TTLL8: variants seen among roughly 807,000 people sequenced by gnomAD.
TTLL8 encodes the protein tubulin tyrosine ligase like 8, also known as protein monoglycylase TTLL8.
TTLL8 carries 65 observed loss-of-function variants against 77.8 expected under a neutral mutation model. That is an observed-to-expected ratio of 0.84 (90% CI 0.68 to 1.03). The LOEUF (loss-of-function observed/expected upper bound fraction) is 1.03. TTLL8 is among the 50% of genes least tolerant of loss of function. The pLI is 0.00. For synonymous variants in TTLL8, 402 were observed against 422.8 expected (o/e 0.95, Z 0.60); for missense variants, 910 against 1,004.5 (o/e 0.91, Z 1.27).
At position 50,034,348 on chromosome 22, in the gene TTLL8, G is replaced by A. The variant is rs768376533; in HGVS notation, c.1036C>T (p.Pro346Ser). Residue 346 changes from proline (P) to serine (S), a missense_variant, in exon 9 of 14, where the codon CCT becomes TCT. This residue lies in a region of TTLL8 where 776 missense variants were observed against 926.1 expected (regional missense o/e 0.84). Coordinates refer to ENST00000266182, the Ensembl canonical transcript of TTLL8. This position sits in a 1 kb window ranked among gnomAD's most constrained non-coding sequence, Gnocchi z 4.1. ...GCGGTGCAGGGAGCATCCGCACCAG[G>A]GGACTCACCTCGGCCCCGGGACTTG... is the stretch of plus-strand genomic sequence containing the variant. 4 of 1,365,274 alleles carry A rather than the reference G, an allele frequency of 2.9e-6. No individual in the cohort carries two copies. The highest frequency in any genetic ancestry group is 3.9e-6 in the Non-Finnish European group (4 of 1,021,526). 84.6% of individuals were successfully genotyped at this position (1,365,274 alleles called of 1,614,324 possible). A position where few individuals can be genotyped will look rare whatever the true frequency, so the allele number is the denominator to read the frequency against.
intron 10 of TTLL8, among the ~76,000 whole-genome samples, chr22:50,032,730 GGCGTCGCTGTGT>G (rs1411452969): frequency 6.6e-6 from 1 of 152,226 alleles, no homozygotes; most frequent in Non-Finnish European, 1.5e-5. Context: ...GAGGGTGGCA[GGCGTCGCTGTGT>G]GCACAGCACA....
In TTLL8 at chr22:50,041,602, G is replaced by A; in HGVS notation, c.830+19C>T. The A allele has an allele frequency of 1.5e-6, 2 of 1,332,566 alleles. No individual in the cohort carries two copies. Among genetic ancestry groups the A allele is most frequent in the Non-Finnish European group, 2.0e-6 (2 of 1,003,462 alleles). 82.5% of individuals were successfully genotyped at this position (1,332,566 alleles called of 1,614,324 possible). Reference sequence around the variant, plus strand: ...CACTCACAGCTCCGACATGTGCCAGGGGCCTGCGTAAGTCTTACTGAACGA... The same window carrying A: ...CACTCACAGCTCCGACATGTGCCAGAGGCCTGCGTAAGTCTTACTGAACGA... On this transcript the variant is annotated intron_variant, in intron 7 of 13. Transcript: ENST00000266182. The surrounding 1 kb of genome is among the most constrained non-coding windows in gnomAD (Gnocchi z 4.3).
chr22:50,045,411 G>T, intron 5 of TTLL8, 22 bp from the exon 8 acceptor site: 2 of 1,362,866 alleles, frequency 1.5e-6, no homozygotes, highest in Non-Finnish European at 2.0e-6. Context: ...GCACAGCCTC[G>T]CCCTATCTGT....
chr22:50,018,576 A>G (rs2061178503), intron 12 of TTLL8, among the ~76,000 whole-genome samples: 1 of 152,248 alleles, frequency 6.6e-6, no homozygotes, highest in Non-Finnish European at 1.5e-5. Context: ...CACATCAAAG[A>G]CATTCAAATT....
chr22:50,049,769 C>T (rs1039494709), intron 2 of TTLL8, among the ~76,000 whole-genome samples: 1 of 152,082 alleles, frequency 6.6e-6, no homozygotes, highest in South Asian at 2.1e-4. Context: ...GCCAGCACCA[C>T]GGGGGCCTGA....
chr22:50,056,920 T>C, upstream of TTLL8: 1 of 1,289,696 alleles, frequency 7.8e-7, no homozygotes. This position sits in a 1 kb window ranked among gnomAD's most constrained non-coding sequence, Gnocchi z 4.1. Context: ...GATAGCCCCT[T>C]CCTCTCTGGT....
chr22:50,057,301 G>A (rs2061477563), upstream of TTLL8, among the ~76,000 whole-genome samples: 1 of 144,912 alleles, frequency 6.9e-6, no homozygotes, highest in Non-Finnish European at 1.5e-5. Flanking sequence ...CTGGGTTTGG[G>A]GGTCAGGACT....
upstream of TTLL8, among the ~76,000 whole-genome samples, chr22:50,057,349 GGTTGTGA>G: frequency 7.5e-6 from 1 of 134,072 alleles, no homozygotes; most frequent in East Asian, 2.2e-4. Flanking sequence ...GTCAGGTCTG[GGTTGTGA>G]GTCAGGTCTG....
intron 8 of TTLL8, among the ~76,000 whole-genome samples, chr22:50,035,953 G>A (rs770401254): frequency 6.6e-6 from 1 of 152,240 alleles, no homozygotes; most frequent in Admixed American, 6.5e-5. Flanking sequence ...CCTGCTTTGG[G>A]GGGAGAAGGC....
At chr22:50,057,372 G>T (rs1432122888), upstream of TTLL8, among the ~76,000 whole-genome samples, 16 of 124,718 alleles carry the variant, frequency 1.3e-4, no homozygotes, top group African/African-American at 5.3e-4. Flanking sequence ...GTCTGGGTTG[G>T]GGGATCAGGT....
intron 1 of TTLL8, among the ~76,000 whole-genome samples, chr22:50,053,629 A>G (rs974880710): frequency 6.6e-6 from 1 of 152,224 alleles, no homozygotes; most frequent in African/African-American, 2.4e-5. Flanking sequence ...ATGAGCGGAT[A>G]TGGTTCTACT....
chr22:50,027,228 T>G (rs1455922635), intron 12 of TTLL8, among the ~76,000 whole-genome samples: 1 of 125,222 alleles, frequency 8.0e-6, no homozygotes, highest in Non-Finnish European at 1.6e-5. Flanking sequence ...AGAACGGGAC[T>G]CCGTCTCAAA....
chr22:50,041,311 G>C lies in TTLL8; in HGVS notation c.831-34C>G, dbSNP rs772104096. The C allele has an allele frequency of 2.0e-6, 1 of 508,466 alleles. No homozygotes were observed. The highest frequency in any genetic ancestry group is 3.9e-6 in the Non-Finnish European group (1 of 256,470). The allele number at this position is 508,466 out of a possible 1,614,324, so 31.5% of individuals were successfully genotyped here. Reference sequence around the variant, plus strand: ...GTATCATCCTCTCAACAGTCATCAGGGTCCTGGTGGGACAGGCAACAGAGG... The same window carrying C: ...GTATCATCCTCTCAACAGTCATCAGCGTCCTGGTGGGACAGGCAACAGAGG... On this transcript the variant is annotated intron_variant, in intron 7 of 13. Coordinates refer to ENST00000266182, the Ensembl canonical transcript of TTLL8. This position sits in a 1 kb window ranked among gnomAD's most constrained non-coding sequence, Gnocchi z 4.3.
intron 12 of TTLL8, among the ~76,000 whole-genome samples, chr22:50,022,331 C>T (rs538193309): frequency 2.0e-5 from 3 of 149,178 alleles, no homozygotes; most frequent in Admixed American, 6.7e-5. Context: ...GACGTGCACT[C>T]CTCCATCTGA....
chr22:50,055,054 C>G, upstream of TTLL8: 3 of 782,216 alleles, frequency 3.8e-6, no homozygotes, highest in Non-Finnish European at 4.7e-6. Flanking sequence ...AGCAAGACTT[C>G]ATCTCAAAAA....
intron 12 of TTLL8, among the ~76,000 whole-genome samples, chr22:50,022,298 C>T (rs2061208304): frequency 1.4e-5 from 2 of 148,124 alleles, no homozygotes; most frequent in Non-Finnish European, 3.0e-5. Flanking sequence ...TGCACTCCTC[C>T]ATCTGATGCA....
rs5771129 is a variant in TTLL8 at position 50,037,093 on chromosome 22, G to A, written c.922-2631C>T. 0.011 allele frequency among the ~76,000 whole-genome samples: 1,643 copies of A among 152,268 alleles called. 166 individuals are homozygous for A. In the East Asian group the frequency reaches 0.24, roughly 22 times the overall value. On this transcript the variant is annotated intron_variant, in intron 8 of 13. Transcript: ENST00000266182. ...CCATTGGGTATGTAGATGCCTAAAC[G>A]TGTAAGAAACTGTCAAAGACTTTTC...
intron 4 of TTLL8, 116 bp from the exon 7 acceptor site, chr22:50,046,086 G>GC: frequency 1.1e-6 from 1 of 937,908 alleles, no homozygotes; most frequent in Non-Finnish European, 1.5e-6. Context: ...GCACCACACA[G>GC]CACCCCTAGG....
At chr22:50,045,526 ACC>A in intron 5 of TTLL8, 137 bp from the exon 8 acceptor site, 1 of 731,454 alleles carries the variant, frequency 1.4e-6, no homozygotes, top group East Asian at 6.4e-5. Context: ...CTGCTCCCAC[ACC>A]CCCAGTCTGC....
Sources: allele counts gnomAD v4.1 joint callset (sites outside exome capture counted in the v4.1 genomes callset), GRCh38; gene constraint gnomAD v4.1.1; regional missense constraint gnomAD v4.1.1; non-coding constraint Gnocchi (gnomAD v3.1); transcripts MANE v1.5; gene names NCBI Gene and HGNC (gene_info 2026-07-23, HGNC 2026-07-21).